Variants in SNX29 observed in about 807,000 individuals in gnomAD.
The protein encoded by SNX29 is sorting nexin 29.
In SNX29, 78 loss-of-function variants were observed where a neutral mutation model predicts 102.1. That is an observed-to-expected ratio of 0.76 (90% CI 0.64 to 0.92). SNX29 has a LOEUF of 0.92. SNX29 is among the 40% of genes least tolerant of loss of function. SNX29 has a pLI of 0.00. For missense variants in SNX29, 1,280 were observed against 1,061.7 expected (o/e 1.21, Z -2.86); for synonymous variants, 580 against 414.5 (o/e 1.40, Z -4.85).
At chr16:12,086,961 G>A (rs944326236) in intron 11 of SNX29, 2 of 152,080 alleles carry the variant, frequency 1.3e-5, no homozygotes, top group Non-Finnish European at 2.9e-5. Context: ...GGAATAGCAC[G>A]TGTCTCTGCC....
chr16:12,463,183 G>A (rs2086887982), intron 18 of SNX29, among the ~76,000 whole-genome samples: 1 of 152,206 alleles, frequency 6.6e-6, no homozygotes, highest in Admixed American at 6.5e-5. Flanking sequence ...GGAGGCGGAG[G>A]CACTTTCTCT....
At chr16:12,076,511 A>G (rs1029837918) in intron 10 of SNX29, among the ~76,000 whole-genome samples, 1 of 152,146 alleles carries the variant, frequency 6.6e-6, no homozygotes, top group Non-Finnish European at 1.5e-5. Context: ...CATGTTGGCT[A>G]GGCTGGTCTC....
intron 3 of SNX29, among the ~76,000 whole-genome samples, chr16:12,013,500 A>AAAAAAAATATATATATATATATATAT: frequency 3.2e-5 from 1 of 31,634 alleles, no homozygotes; most frequent in African/African-American, 9.8e-5. Flanking sequence ...AAAAAAAAAA[A>AAAAAAAATATATATATATATATATAT]ATATATATAT....
At chr16:12,316,269 A>G (rs2080732994) in intron 15 of SNX29, among the ~76,000 whole-genome samples, 1 of 152,198 alleles carries the variant, frequency 6.6e-6, no homozygotes, top group Admixed American at 6.5e-5. Flanking sequence ...TCAGATTCAA[A>G]AGGCCTCTTC....
At chr16:12,281,927 C>T (rs145065579) in intron 15 of SNX29, among the ~76,000 whole-genome samples, 8 of 151,536 alleles carry the variant, frequency 5.3e-5, no homozygotes, top group East Asian at 3.9e-4. Flanking sequence ...TGTTTCCATT[C>T]TCAAAAATTA....
At chr16:12,335,985 C>A (rs903801672) in intron 15 of SNX29, among the ~76,000 whole-genome samples, 2 of 152,160 alleles carry the variant, frequency 1.3e-5, no homozygotes, top group Non-Finnish European at 2.9e-5. Context: ...AAGGCACATC[C>A]GGGAAGACAG....
intron 11 of SNX29, among the ~76,000 whole-genome samples, chr16:12,086,095 C>G (rs559759622): frequency 2.1e-4 from 32 of 151,938 alleles, no homozygotes; most frequent in African/African-American, 7.2e-4. Context: ...GCTCCGCCTC[C>G]CGGGCTCACG....
chr16:12,403,047 CTG>C (rs2084010875), intron 17 of SNX29, among the ~76,000 whole-genome samples: 1 of 152,116 alleles, frequency 6.6e-6, no homozygotes, highest in African/African-American at 2.4e-5. Context: ...CTGGGCATTG[CTG>C]TGTGTGACCT....
rs185804791 is a variant in SNX29, at chr16:12,045,308, C to T, written c.429-1076C>T. 1.3e-3 allele frequency among the ~76,000 whole-genome samples: 201 copies of T among 152,250 alleles called. No homozygotes were observed. The Middle Eastern group carries it at 0.017, about 13-fold the overall frequency. On this transcript the variant is annotated intron_variant, in intron 5 of 20. Transcript: ENST00000566228. The stretch of plus-strand genomic sequence containing the variant: ...TCATGTATCCCTGACTTTGCTTTAG[C>T]GAAATTGACTTTTTCCTTGATTAAT...
intron 16 of SNX29, among the ~76,000 whole-genome samples, chr16:12,386,469 T>G (rs2083344972): frequency 6.6e-6 from 1 of 152,090 alleles, no homozygotes; most frequent in South Asian, 2.1e-4. Flanking sequence ...ATTCGCAATG[T>G]GAACTGGGTG....
chr16:12,289,154 C>T (rs1451755520), intron 15 of SNX29, among the ~76,000 whole-genome samples: 1 of 152,218 alleles, frequency 6.6e-6, no homozygotes, highest in Non-Finnish European at 1.5e-5. Flanking sequence ...GGGTAAACAG[C>T]CGTGTGTGCT....
At chr16:12,525,565 G>A (rs1202010938) in intron 20 of SNX29, among the ~76,000 whole-genome samples, 5 of 151,836 alleles carry the variant, frequency 3.3e-5, no homozygotes, top group East Asian at 1.9e-4. Flanking sequence ...GGTGGCAGGC[G>A]CCTGTAGTCC....
At chr16:12,547,536 A>G (rs570025687) in intron 20 of SNX29, among the ~76,000 whole-genome samples, 1 of 152,258 alleles carries the variant, frequency 6.6e-6, no homozygotes, top group South Asian at 2.1e-4. Context: ...AGGAACTGGA[A>G]GAACAGAGTC....
At chr16:11,986,068 G>A (rs745308836) in intron 1 of SNX29, among the ~76,000 whole-genome samples, 7 of 152,072 alleles carry the variant, frequency 4.6e-5, no homozygotes, top group East Asian at 1.9e-4. Flanking sequence ...GGCTCCCAGC[G>A]TGCTGGGATG....
At chr16:12,478,232 G>C (rs889564193) in intron 19 of SNX29, among the ~76,000 whole-genome samples, 2 of 152,222 alleles carry the variant, frequency 1.3e-5, no homozygotes, top group Non-Finnish European at 2.9e-5. Context: ...ATGGCTATGT[G>C]CCAATAGCAT....
Position 12,453,843 on chromosome 16 carries a change from G to C in SNX29, c.2038-23876G>C, listed in dbSNP as rs551027160. 5.9e-5 allele frequency among the ~76,000 whole-genome samples: 9 copies of C among 152,282 alleles called. 1 individual carries two copies. In the South Asian group the frequency reaches 1.9e-3, roughly 32 times the overall value. On this transcript the variant is annotated intron_variant, in intron 18 of 20. Coordinates refer to ENST00000566228, the MANE Select transcript of SNX29 (RefSeq NM_032167.5). ...TGTAGGCATTTAGATGGCAGGGAAG[G>C]TATCTTTGGAATTTTTTTTGTCCCC...
chr16:12,336,947 A>C (rs1000413358), intron 15 of SNX29, among the ~76,000 whole-genome samples: 8 of 152,206 alleles, frequency 5.3e-5, no homozygotes, highest in Admixed American at 2.0e-4. Flanking sequence ...CCCTGTCTCA[A>C]AAACAAACAA....
chr16:12,102,899 C>A (rs919720886), intron 11 of SNX29, among the ~76,000 whole-genome samples: 25 of 152,178 alleles, frequency 1.6e-4, no homozygotes, highest in African/African-American at 6.0e-4. Flanking sequence ...AAATCACAAG[C>A]ATTCCTATAC....
At chr16:12,304,111 G>A (rs1359092673) in intron 15 of SNX29, among the ~76,000 whole-genome samples, 4 of 152,114 alleles carry the variant, frequency 2.6e-5, no homozygotes, top group Non-Finnish European at 5.9e-5. Flanking sequence ...CCAGGCCTAA[G>A]TAGCAGGAAT....
Sources: gnomAD v4.1 joint callset for allele counts (sites outside exome capture counted in the v4.1 genomes callset) on GRCh38, gnomAD v4.1.1 for gene constraint, MANE v1.5 for transcripts, NCBI Gene and HGNC (gene_info 2026-07-23, HGNC 2026-07-21) for gene names.